The following ACACA variants were observed in gnomAD, a reference collection of about 807,000 sequenced individuals.
ACACA encodes the protein acetyl-CoA carboxylase 1.
A neutral mutation model predicts 296.1 loss-of-function variants in ACACA; 103 were observed. The observed-to-expected ratio is 0.35, with a 90% CI of 0.30 to 0.41. ACACA has a LOEUF of 0.41. Ranked by LOEUF, ACACA falls within the 10% of genes least tolerant of loss-of-function variation. The pLI, the probability that ACACA is intolerant of heterozygous loss-of-function variation, is 1.00. For missense variants in ACACA, 1,554 were observed against 2,989.7 expected, an observed-to-expected ratio of 0.52 and a Z score of 11.20; for synonymous variants, 953 against 1,038.6, an observed-to-expected ratio of 0.92 and a Z score of 1.58.
intron 1 of ACACA, chr17:37,358,908 G>A: frequency 1.0e-6 from 1 of 978,316 alleles, no homozygotes; most frequent in Non-Finnish European, 1.2e-6. Context: ...AGCGGAGGCT[G>A]GGAGGCGGCC....
At chr17:37,336,883 C>T (rs192385295) in intron 2 of ACACA, among the ~76,000 whole-genome samples, 20 of 152,302 alleles carry the variant, frequency 1.3e-4, no homozygotes, top group Admixed American at 6.5e-5. Flanking sequence ...AATCACCACT[C>T]AACATGTGAA....
chr17:37,181,445 CT>C, intron 39 of ACACA, 89 bp from the exon 40 acceptor site: 1 of 1,447,348 alleles, frequency 6.9e-7, no homozygotes, highest in Admixed American at 1.7e-5. Context: ...CAAATATTAT[CT>C]CTTTGAAAAC....
chr17:37,311,764 C>G (rs569960299), intron 3 of ACACA, among the ~76,000 whole-genome samples: 5 of 151,056 alleles, frequency 3.3e-5, no homozygotes, highest in Non-Finnish European at 5.9e-5. Context: ...CCCAGCTACT[C>G]GGGAGGCTGA....
At chr17:37,393,256 T>C (rs2050958681) in intron 1 of ACACA, among the ~76,000 whole-genome samples, 1 of 152,110 alleles carries the variant, frequency 6.6e-6, no homozygotes, top group Non-Finnish European at 1.5e-5. Flanking sequence ...ATGAGTATAT[T>C]ATTTGCATCC....
intron 1 of ACACA, among the ~76,000 whole-genome samples, chr17:37,359,542 T>G (rs1405292037): frequency 4.7e-5 from 7 of 148,984 alleles, no homozygotes; most frequent in African/African-American, 1.7e-4. Context: ...GAGAGGGGAG[T>G]GGGGGAAGCG....
rs559364682 is a variant in ACACA, at chr17:37,195,288, C to T, written c.4159-1873G>A. Among the ~76,000 whole-genome samples, 8 of 152,126 alleles carry T rather than the reference C, an allele frequency of 5.3e-5. No individual in the cohort carries two copies. In the South Asian group the frequency reaches 1.7e-3, roughly 32 times the overall value. ...TTATGTACATTTATAGGATCAAAACCATTTCCTTTCAAAAACAAAACAGTA... is the reference window on the plus strand; with the variant it reads ...TTATGTACATTTATAGGATCAAAACTATTTCCTTTCAAAAACAAAACAGTA... On this transcript the variant is annotated intron_variant, in intron 35 of 55. Coordinates refer to ENST00000616317, the MANE Select transcript of ACACA (RefSeq NM_198834.3).
intron 17 of ACACA, 65 bp downstream of exon 17, chr17:37,248,528 G>A: frequency 1.6e-6 from 2 of 1,245,620 alleles, no homozygotes; most frequent in South Asian, 2.4e-5. Flanking sequence ...TTTTTCTCCT[G>A]CCTCTCAACC....
intron 1 of ACACA, among the ~76,000 whole-genome samples, chr17:37,358,196 T>C (rs1463480878): frequency 2.0e-5 from 3 of 152,222 alleles, no homozygotes; most frequent in Admixed American, 6.5e-5. Flanking sequence ...ACGAAGTCCC[T>C]GATTTTTAGA....
chr17:37,315,541 G>GC (rs1228001038), intron 3 of ACACA, among the ~76,000 whole-genome samples: 2 of 152,116 alleles, frequency 1.3e-5, no homozygotes, highest in Non-Finnish European at 2.9e-5. Context: ...GCAAATCCCA[G>GC]CCACCTATAC....
intron 45 of ACACA, among the ~76,000 whole-genome samples, chr17:37,142,003 TTTTTTTTTG>T (rs1297072780): frequency 1.9e-4 from 9 of 48,454 alleles, no homozygotes; most frequent in African/African-American, 9.2e-4. Context: ...GTTTTTTTTG[TTTTTTTTTG>T]TTTTTTTTTT....
At chr17:37,158,234 T>C (rs2076328385) in intron 42 of ACACA, among the ~76,000 whole-genome samples, 1 of 152,176 alleles carries the variant, frequency 6.6e-6, no homozygotes, top group African/African-American at 2.4e-5. Context: ...TTTAGGCAGA[T>C]GTAAGTAGAG....
intron 39 of ACACA, among the ~76,000 whole-genome samples, chr17:37,186,445 T>A (rs1291675007): frequency 6.6e-6 from 1 of 152,172 alleles, no homozygotes; most frequent in African/African-American, 2.4e-5. Context: ...AATATTAAAT[T>A]AAAAAACAAA....
intron 3 of ACACA, among the ~76,000 whole-genome samples, chr17:37,319,452 T>C (rs977349577): frequency 6.6e-6 from 1 of 152,196 alleles, no homozygotes; most frequent in East Asian, 1.9e-4. Context: ...GTGGCAAATA[T>C]ACAAGCGTTT....
chr17:37,309,988 G>C (rs1455538396), intron 3 of ACACA, among the ~76,000 whole-genome samples: 2 of 152,128 alleles, frequency 1.3e-5, no homozygotes, highest in Non-Finnish European at 2.9e-5. Flanking sequence ...GCTGCAGTGA[G>C]TCCTGTTTGC....
rs561289232 is a variant in ACACA at position 37,149,737 on chromosome 17, A to G, written c.5679+127T>C. 3.8e-6 allele frequency: 3 copies of G among 781,142 alleles called. No individual in the cohort carries two copies. The Admixed American group carries it at 5.8e-5, about 15-fold the overall frequency. 48.4% of individuals were successfully genotyped at this position (781,142 alleles called of 1,614,324 possible). On this transcript the variant is annotated intron_variant, in intron 45 of 55. Transcript: ENST00000616317. Reference sequence around the variant, plus strand: ...CAATGGGCAGAAAAGATGGAGGGAGAGGGGAAGAGATAGACTGAGGAAGGC... The same window carrying G: ...CAATGGGCAGAAAAGATGGAGGGAGGGGGGAAGAGATAGACTGAGGAAGGC...
chr17:37,143,791 T>G, intron 45 of ACACA: 1 of 1,124,414 alleles, frequency 8.9e-7, no homozygotes, highest in Non-Finnish European at 1.4e-6. Context: ...TTTTGCTGCA[T>G]CAGGCTTTCC....
chr17:37,112,449 G>GC (rs2074027474), intron 51 of ACACA, among the ~76,000 whole-genome samples: 1 of 152,198 alleles, frequency 6.6e-6, no homozygotes, highest in African/African-American at 2.4e-5. Flanking sequence ...CTACAGTTTA[G>GC]TAAGTTATGA....
intron 17 of ACACA, 90 bp from the exon 18 acceptor site, chr17:37,248,246 A>C: frequency 6.7e-7 from 1 of 1,498,722 alleles, no homozygotes; most frequent in Non-Finnish European, 9.2e-7. Flanking sequence ...GATAAGAAAG[A>C]TCTGTCAGGA....
intron 10 of ACACA, among the ~76,000 whole-genome samples, chr17:37,265,029 A>G (rs1203462506): frequency 6.6e-6 from 1 of 152,180 alleles, no homozygotes; most frequent in East Asian, 1.9e-4. Flanking sequence ...TTCATCTCCA[A>G]TGCAGGTGGC....
Sources: allele counts gnomAD v4.1 joint callset (sites outside exome capture counted in the v4.1 genomes callset), GRCh38; gene constraint gnomAD v4.1.1; transcripts MANE v1.5; gene names NCBI Gene and HGNC (gene_info 2026-07-23, HGNC 2026-07-21).